Variants in TMEM132D observed in about 807,000 individuals in gnomAD.
TMEM132D encodes mature OL transmembrane protein.
In TMEM132D, 21 loss-of-function variants were observed where a neutral mutation model predicts 62.3. The observed-to-expected ratio is 0.34, with a 90% CI of 0.24 to 0.49. The LOEUF is 0.49. Among genes scored for constraint, TMEM132D ranks in the 20% least tolerant of loss-of-function variants. The probability of loss-of-function intolerance (pLI) is 0.99; values close to 1 mark genes in which losing one functional copy is unlikely to be tolerated. For synonymous variants in TMEM132D, 621 were observed against 575.6 expected, an observed-to-expected ratio of 1.08 and a Z score of -1.13; for missense variants, 1,346 against 1,402.8, an observed-to-expected ratio of 0.96 and a Z score of 0.65.
At chr12:129,749,194 C>T (rs1490714376) in intron 1 of TMEM132D, among the ~76,000 whole-genome samples, 1 of 152,214 alleles carries the variant, frequency 6.6e-6, no homozygotes, top group East Asian at 1.9e-4. Flanking sequence ...TACATGCACA[C>T]TGACACACTG....
intron 3 of TMEM132D, among the ~76,000 whole-genome samples, chr12:129,437,011 C>T (rs552402140): frequency 2.6e-5 from 4 of 152,150 alleles, no homozygotes; most frequent in African/African-American, 4.8e-5. Context: ...CATCACTAAC[C>T]CCTTTGTTTC....
intron 1 of TMEM132D, among the ~76,000 whole-genome samples, chr12:129,746,847 C>G (rs1476368569): frequency 6.6e-6 from 1 of 152,100 alleles, no homozygotes; most frequent in African/African-American, 2.4e-5. Flanking sequence ...CAACTCTATC[C>G]GTGCAACTTG....
At chr12:129,671,312 T>C (rs1450018553) in intron 2 of TMEM132D, among the ~76,000 whole-genome samples, 1 of 152,174 alleles carries the variant, frequency 6.6e-6, no homozygotes, top group Non-Finnish European at 1.5e-5. Context: ...CTTCCATCAG[T>C]TGTAAAACGG....
chr12:129,750,988 C>T (rs980053971), intron 1 of TMEM132D, among the ~76,000 whole-genome samples: 8 of 152,132 alleles, frequency 5.3e-5, no homozygotes, highest in East Asian at 1.9e-4. Context: ...AAAAGTATCA[C>T]ATTTAAAATC....
intron 3 of TMEM132D, among the ~76,000 whole-genome samples, chr12:129,356,573 T>C (rs897179683): frequency 1.3e-4 from 20 of 151,106 alleles, no homozygotes; most frequent in Non-Finnish European, 2.4e-4. Flanking sequence ...ATCCTAACAC[T>C]TTGGGAGGCC....
At chr12:129,712,593 T>TG (rs1172744432) in intron 1 of TMEM132D, among the ~76,000 whole-genome samples, 1 of 152,188 alleles carries the variant, frequency 6.6e-6, no homozygotes, top group East Asian at 1.9e-4. Flanking sequence ...GCACCACCAG[T>TG]GGTTACTGGG....
intron 4 of TMEM132D, among the ~76,000 whole-genome samples, chr12:129,222,915 CA>C (rs35565056): frequency 1.3e-5 from 2 of 151,720 alleles, no homozygotes; most frequent in African/African-American, 4.8e-5. Context: ...CTCTCACTAC[CA>C]AAAAAAGGTA....
chr12:129,453,008 G>A lies in TMEM132D; in HGVS notation c.1115+78051C>T, dbSNP rs200582238. On this transcript the variant is annotated intron_variant, in intron 3 of 8. Coordinates refer to ENST00000422113, the MANE Select transcript of TMEM132D (RefSeq NM_133448.3). ...AGCAGGAGGTGAGTGGCAGGCGAGC[G>A]AGCCTTACTGCCTGAGCTCTGCCTC... Among the ~76,000 whole-genome samples the A allele has an allele frequency of 3.9e-5, 6 of 152,190 alleles. No homozygotes were observed. The East Asian group carries it at 7.7e-4, about 20-fold the overall frequency.
chr12:129,774,064 G>A (rs1870841874), intron 1 of TMEM132D, among the ~76,000 whole-genome samples: 1 of 152,168 alleles, frequency 6.6e-6, no homozygotes, highest in African/African-American at 2.4e-5. Flanking sequence ...AAAAGCAGGA[G>A]GCTATTACAA....
chr12:129,602,862 A>G (rs1878517860), intron 2 of TMEM132D, among the ~76,000 whole-genome samples: 5 of 152,212 alleles, frequency 3.3e-5, no homozygotes, highest in Admixed American at 3.3e-4. Context: ...GGTAGGCCTC[A>G]GGAAACTTAC....
intron 4 of TMEM132D, among the ~76,000 whole-genome samples, chr12:129,237,971 G>T (rs1321182174): frequency 8.5e-5 from 13 of 152,204 alleles, no homozygotes; most frequent in Non-Finnish European, 1.6e-4. Context: ...AGGTCAAGGT[G>T]ATTGCTAGGC....
chr12:129,523,213 G>A (rs918898643), intron 3 of TMEM132D, among the ~76,000 whole-genome samples: 1 of 152,188 alleles, frequency 6.6e-6, no homozygotes, highest in African/African-American at 2.4e-5. Flanking sequence ...GGAATGTCAT[G>A]TGTCACTTTA....
At chr12:129,783,289 C>A (rs574917636) in intron 1 of TMEM132D, among the ~76,000 whole-genome samples, 1 of 152,146 alleles carries the variant, frequency 6.6e-6, no homozygotes, top group Non-Finnish European at 1.5e-5. Flanking sequence ...TGTTGAGCAT[C>A]CATCTACCTT....
At chr12:129,798,982 T>C (rs1871652121) in intron 1 of TMEM132D, among the ~76,000 whole-genome samples, 1 of 152,168 alleles carries the variant, frequency 6.6e-6, no homozygotes, top group African/African-American at 2.4e-5. Context: ...AATATGGATG[T>C]CGGCCGGACG....
chr12:129,224,244 G>GT (rs1416692029), intron 4 of TMEM132D, among the ~76,000 whole-genome samples: 18 of 151,864 alleles, frequency 1.2e-4, no homozygotes, highest in Non-Finnish European at 2.2e-4. Flanking sequence ...ATAATCTTAG[G>GT]TTTTGCCAAG....
chr12:129,111,056 C>G (rs1461601892), intron 5 of TMEM132D: 1 of 152,574 alleles, frequency 6.6e-6, no homozygotes, highest in African/African-American at 2.4e-5. Context: ...CTGGCTCTCC[C>G]CTGGACTCAG....
intron 3 of TMEM132D, among the ~76,000 whole-genome samples, chr12:129,453,802 T>A (rs1873377781): frequency 6.6e-6 from 1 of 152,242 alleles, no homozygotes; most frequent in Non-Finnish European, 1.5e-5. Flanking sequence ...CTTTGCCTCT[T>A]GAACTAATCA....
chr12:129,654,275 C>T (rs1892218112), intron 2 of TMEM132D, among the ~76,000 whole-genome samples: 1 of 122,534 alleles, frequency 8.2e-6, no homozygotes, highest in Admixed American at 9.6e-5. Flanking sequence ...CTCTCTCACT[C>T]TCTCGTGTGT....
chr12:129,320,155 T>G (rs1342826188), intron 4 of TMEM132D, among the ~76,000 whole-genome samples: 1 of 152,154 alleles, frequency 6.6e-6, no homozygotes, highest in African/African-American at 2.4e-5. Context: ...GTGCTGAAAA[T>G]GATCTGCTAA....
Sources: gnomAD v4.1 joint callset for allele counts (sites outside exome capture counted in the v4.1 genomes callset) on GRCh38, gnomAD v4.1.1 for gene constraint, MANE v1.5 for transcripts, NCBI Gene and HGNC (gene_info 2026-07-23, HGNC 2026-07-21) for gene names.